RFXAP: variants seen among roughly 807,000 people sequenced by gnomAD.
The protein encoded by RFXAP is regulatory factor X-associated protein.
In RFXAP, 21 loss-of-function variants were observed where a neutral mutation model predicts 25.7. The observed-to-expected ratio is 0.82, with a 90% confidence interval of 0.58 to 1.18. The LOEUF (loss-of-function observed/expected upper bound fraction) is 1.18. RFXAP is among the 50% of genes most tolerant of loss of function. The probability of loss-of-function intolerance (pLI) is 0.00; values close to 1 mark genes in which losing one functional copy is unlikely to be tolerated. For missense variants in RFXAP, 333 were observed against 363.0 expected (o/e 0.92, Z 0.67); for synonymous variants, 161 against 152.2 (o/e 1.06, Z -0.43).
At chr13:36,823,783 A>T (rs1176165859) in intron 1 of RFXAP, among the ~76,000 whole-genome samples, 1 of 152,204 alleles carries the variant, frequency 6.6e-6, no homozygotes, top group Non-Finnish European at 1.5e-5. Flanking sequence ...TATGAGAGAC[A>T]CATAAAGGGA....
intron 1 of RFXAP, among the ~76,000 whole-genome samples, chr13:36,820,946 A>C (rs1407616283): frequency 6.6e-6 from 1 of 152,136 alleles, no homozygotes; most frequent in Non-Finnish European, 1.5e-5. Flanking sequence ...ACCCATTATT[A>C]TTGTCATTGT....
chr13:36,819,236 C>A lies in RFXAP; in HGVS notation c.-122C>A. The A allele has an allele frequency of 4.9e-6, 5 of 1,029,096 alleles. No individual in the cohort carries two copies. The highest frequency in any genetic ancestry group is 6.2e-6 in the Non-Finnish European group (5 of 811,178). 63.7% of individuals were successfully genotyped at this position (1,029,096 alleles called of 1,614,324 possible). A position where few individuals can be genotyped will look rare whatever the true frequency, so the allele number is the denominator to read the frequency against. On this transcript the variant is annotated 5_prime_UTR_variant, in exon 1 of 3. Transcript: ENST00000255476. Reference sequence around the variant, plus strand: ...TGCGGTCGCGCAGGCGCAGTCGGGGCGCCTTCCCGGTATAGGCGCCTTTTA... The same window carrying A: ...TGCGGTCGCGCAGGCGCAGTCGGGGAGCCTTCCCGGTATAGGCGCCTTTTA...
chr13:36,821,843 T>G (rs143718927), intron 1 of RFXAP, among the ~76,000 whole-genome samples: 6 of 152,226 alleles, frequency 3.9e-5, no homozygotes, highest in Non-Finnish European at 5.9e-5. Flanking sequence ...AAAAATCCAC[T>G]ATGTAACTTT....
intron 2 of RFXAP, among the ~76,000 whole-genome samples, chr13:36,826,474 C>T (rs1377835846): frequency 6.6e-6 from 1 of 152,138 alleles, no homozygotes; most frequent in East Asian, 1.9e-4. Flanking sequence ...TAGTTAATGG[C>T]ATTATATATT....
At chr13:36,821,241 AATT>A (rs2057961542) in intron 1 of RFXAP, among the ~76,000 whole-genome samples, 1 of 104,788 alleles carries the variant, frequency 9.5e-6, no homozygotes, top group South Asian at 3.2e-4. Flanking sequence ...AAAAAAAAAA[AATT>A]TTTTTTAACT....
At chr13:36,825,652 T>C (rs1269467063) in intron 2 of RFXAP, 117 bp downstream of exon 2, 1 of 623,576 alleles carries the variant, frequency 1.6e-6, no homozygotes, top group Non-Finnish European at 2.7e-6. Flanking sequence ...TCAAAATAAA[T>C]TCCTAATAAG....
intron 1 of RFXAP, among the ~76,000 whole-genome samples, 182 bp downstream of exon 1, chr13:36,820,139 A>G (rs2057957385): frequency 6.6e-6 from 1 of 152,250 alleles, no homozygotes; most frequent in African/African-American, 2.4e-5. Context: ...TGTGCAAAGC[A>G]ATAACAGTTC....
rs1395497516 is a variant in RFXAP, at chr13:36,819,450, C to G, written c.93C>G (p.Thr31=). The G allele has an allele frequency of 1.3e-6, 2 of 1,501,628 alleles. No homozygotes were observed. The highest frequency in any genetic ancestry group is 2.6e-5 in the South Asian group (2 of 76,852). 93.0% of individuals were successfully genotyped at this position (1,501,628 alleles called of 1,614,324 possible). A position where few individuals can be genotyped will look rare whatever the true frequency, so the allele number is the denominator to read the frequency against. The part of the protein sequence containing the change: ...PAALAPAAAP[T]LAPASVAAAA... ...CCCTAGCCCCGGCTGCGGCTCCCAC[C>G]TTGGCGCCAGCCTCGGTGGCGGCCG... Residue 31 remains threonine, a synonymous_variant, in exon 1 of 3, where the codon ACC becomes ACG. Coordinates refer to ENST00000255476, the MANE Select transcript of RFXAP (RefSeq NM_000538.4).
intron 1 of RFXAP, among the ~76,000 whole-genome samples, chr13:36,822,327 C>T (rs972959663): frequency 6.6e-5 from 10 of 151,954 alleles, no homozygotes; most frequent in African/African-American, 2.4e-4. Context: ...CTGATCCTCC[C>T]ACCTCAGCCT....
At chr13:36,825,991 T>C (rs1179751718) in intron 2 of RFXAP, among the ~76,000 whole-genome samples, 2 of 152,062 alleles carry the variant, frequency 1.3e-5, no homozygotes, top group Non-Finnish European at 2.9e-5. Context: ...CTGGGCAACG[T>C]AGCGAGACCC....
intron 1 of RFXAP, among the ~76,000 whole-genome samples, chr13:36,820,402 T>C (rs1009760428): frequency 2.0e-5 from 3 of 152,204 alleles, no homozygotes; most frequent in African/African-American, 7.2e-5. Flanking sequence ...TACTCCTGTA[T>C]TTAGTACTTT....
rs2057952288 is a variant in RFXAP at position 36,819,245 on chromosome 13, G to T, written c.-113G>T. On this transcript the variant is annotated 5_prime_UTR_variant, in exon 1 of 3. Coordinates refer to ENST00000255476, the MANE Select transcript of RFXAP (RefSeq NM_000538.4). ...GCAGGCGCAGTCGGGGCGCCTTCCC[G>T]GTATAGGCGCCTTTTACCCCAGCGT... is the stretch of plus-strand genomic sequence containing the variant. The T allele has an allele frequency of 3.7e-6, 4 of 1,077,660 alleles. No homozygotes were observed. Among genetic ancestry groups the T allele is most frequent in the Middle Eastern group, 3.5e-4 (1 of 2,822 alleles). The allele number at this position is 1,077,660 out of a possible 1,614,324, so 66.8% of individuals were successfully genotyped here.
chr13:36,824,914 C>G (rs971465002), intron 1 of RFXAP, among the ~76,000 whole-genome samples: 2 of 152,066 alleles, frequency 1.3e-5, no homozygotes, highest in African/African-American at 4.8e-5. Context: ...TACTACTCCC[C>G]CATTTGTTTT....
Position 36,819,307 on chromosome 13 carries a change from A to T in RFXAP, c.-51A>T. The T allele has an allele frequency of 8.0e-7, 1 of 1,244,178 alleles. No homozygotes were observed. Among genetic ancestry groups the T allele is most frequent in the Non-Finnish European group, 1.0e-6 (1 of 991,482 alleles). 77.1% of individuals were successfully genotyped at this position (1,244,178 alleles called of 1,614,324 possible). A position where few individuals can be genotyped will look rare whatever the true frequency, so the allele number is the denominator to read the frequency against. On this transcript the variant is annotated 5_prime_UTR_variant, in exon 1 of 3. Transcript: ENST00000255476. ...TTGGTTCGCGAAGTGCCGTTAGGCC[A>T]AGCAGGTGCTAAAAGCCCGGGGTCG... is the stretch of plus-strand genomic sequence containing the variant.
chr13:36,820,775 T>A (rs996983227), intron 1 of RFXAP, among the ~76,000 whole-genome samples: 1 of 152,230 alleles, frequency 6.6e-6, no homozygotes, highest in African/African-American at 2.4e-5. Flanking sequence ...TGCAAATCCC[T>A]GTTGCATCAT....
At chr13:36,824,024 T>C (rs796508397) in intron 1 of RFXAP, among the ~76,000 whole-genome samples, 12 of 152,312 alleles carry the variant, frequency 7.9e-5, no homozygotes, top group African/African-American at 2.9e-4. Context: ...CAAAAGTTGG[T>C]AAACTCTGTA....
Position 36,828,020 on chromosome 13 carries a change from T to C in RFXAP, c.*267T>C. The C allele has an allele frequency of 2.6e-6, 1 of 386,346 alleles. No homozygotes were observed. The highest frequency in any genetic ancestry group is 3.0e-5 in the South Asian group (1 of 33,688). 23.9% of individuals were successfully genotyped at this position (386,346 alleles called of 1,614,324 possible). A position where few individuals can be genotyped will look rare whatever the true frequency, so the allele number is the denominator to read the frequency against. ...TAAAAAATATATTCCTCTTCAGTCA[T>C]TGTTACTGAAGGTAATGAAGCAGTT... On this transcript the variant is annotated 3_prime_UTR_variant, in exon 3 of 3. Transcript: ENST00000255476.
At chr13:36,822,488 A>G (rs888916133) in intron 1 of RFXAP, among the ~76,000 whole-genome samples, 3 of 152,112 alleles carry the variant, frequency 2.0e-5, no homozygotes, top group African/African-American at 7.2e-5. Context: ...TATAAAAGGC[A>G]GATAGATACT....
intron 1 of RFXAP, among the ~76,000 whole-genome samples, chr13:36,824,574 T>A (rs2057972242): frequency 6.6e-6 from 1 of 152,220 alleles, no homozygotes; most frequent in Non-Finnish European, 1.5e-5. Context: ...TATAATTTTA[T>A]ATTTGCTACT....
Sources: allele counts gnomAD v4.1 joint callset (sites outside exome capture counted in the v4.1 genomes callset), GRCh38; gene constraint gnomAD v4.1.1; transcripts MANE v1.5; gene names NCBI Gene and HGNC (gene_info 2026-07-23, HGNC 2026-07-21).